The following LAMA3 variants were observed in gnomAD, a reference collection of about 807,000 sequenced individuals.
LAMA3 encodes the protein laminin subunit alpha 3.
LAMA3 carries 281 observed loss-of-function variants against 402.0 expected under a neutral mutation model. The ratio of observed to expected loss-of-function variants is 0.70; its 90% CI spans 0.63 to 0.77. LAMA3 has a LOEUF of 0.77. Among genes scored for constraint, LAMA3 ranks in the 30% least tolerant of loss-of-function variants. LAMA3 has a pLI of 0.00. For missense variants in LAMA3, 3,840 were observed against 4,215.5 expected (o/e 0.91, Z 2.47); for synonymous variants, 1,431 against 1,558.4 (o/e 0.92, Z 1.93).
At chr18:23,736,448 G>C (rs2061476662) in intron 2 of LAMA3, among the ~76,000 whole-genome samples, 1 of 151,340 alleles carries the variant, frequency 6.6e-6, no homozygotes, top group African/African-American at 2.4e-5. Context: ...TTCAACATTA[G>C]ATTATTTTAT....
Position 23,812,975 on chromosome 18 carries a change from C to G in LAMA3, c.1742-82C>G, listed in dbSNP as rs567005168. 7.2e-5 allele frequency: 70 copies of G among 976,520 alleles called. 1 individual carries two copies. In the South Asian group the frequency reaches 7.7e-4, roughly 11 times the overall value. The allele number at this position is 976,520 out of a possible 1,614,324, so 60.5% of individuals were successfully genotyped here. On this transcript the variant is annotated intron_variant, in intron 13 of 74. Transcript: ENST00000313654. ...AATGTAGATACACTATTTTTGAAAA[C>G]AAAACGTTTAAAACTTGAAACATCA... is the stretch of plus-strand genomic sequence containing the variant.
intron 59 of LAMA3, 80 bp from the exon 60 acceptor site, chr18:23,916,471 C>T (rs906923098): frequency 2.5e-5 from 38 of 1,506,384 alleles, no homozygotes; most frequent in Non-Finnish European, 3.2e-5. Context: ...TTTCAGATAG[C>T]AACATCTTGT....
At chr18:23,741,320 A>G (rs1448631184) in intron 2 of LAMA3, among the ~76,000 whole-genome samples, 2 of 152,252 alleles carry the variant, frequency 1.3e-5, no homozygotes, top group South Asian at 4.1e-4. Context: ...AACTATTGGC[A>G]GATGGACTCT....
chr18:23,920,646 C>G (rs941923695), intron 60 of LAMA3, among the ~76,000 whole-genome samples: 3 of 152,204 alleles, frequency 2.0e-5, no homozygotes, highest in African/African-American at 7.2e-5. Context: ...TTTTCGGTCT[C>G]CATCTTTATA....
intron 2 of LAMA3, among the ~76,000 whole-genome samples, chr18:23,737,571 C>T (rs930302411): frequency 2.6e-5 from 4 of 152,216 alleles, no homozygotes; most frequent in Middle Eastern, 3.2e-3. Flanking sequence ...TCCAAGAGTT[C>T]ACCTGGGATG....
chr18:23,921,912 T>C (rs928723773), intron 62 of LAMA3, among the ~76,000 whole-genome samples: 4 of 152,182 alleles, frequency 2.6e-5, no homozygotes, highest in Non-Finnish European at 5.9e-5. Context: ...GAAGGCTGCA[T>C]AGGAGAGCGT....
Position 23,918,521 on chromosome 18 carries a change from C to T in LAMA3, c.7923+1826C>T, listed in dbSNP as rs1327797573. Among the ~76,000 whole-genome samples, 1 of 152,194 alleles carries T rather than the reference C, an allele frequency of 6.6e-6. No individual in the cohort carries two copies. The highest frequency in any genetic ancestry group is 1.5e-5 in the Non-Finnish European group (1 of 68,036). Reference sequence around the variant, plus strand: ...TCAGCATGTTTGCCTTCTCAAGACACTGAAGCTTCTCTGTTTTCAAGTAGC... The same window carrying T: ...TCAGCATGTTTGCCTTCTCAAGACATTGAAGCTTCTCTGTTTTCAAGTAGC... On this transcript the variant is annotated intron_variant, in intron 60 of 74. Transcript: ENST00000313654. This position sits in a 1 kb window ranked among gnomAD's most constrained non-coding sequence, Gnocchi z 4.1.
intron 62 of LAMA3, among the ~76,000 whole-genome samples, chr18:23,924,440 C>G (rs1246119453): frequency 6.6e-6 from 1 of 152,138 alleles, no homozygotes; most frequent in East Asian, 1.9e-4. Context: ...GCATGAGCCA[C>G]CATGCCTGGC....
intron 29 of LAMA3, 69 bp from the exon 30 acceptor site, chr18:23,844,940 G>A (rs2144616154): frequency 1.1e-6 from 1 of 911,378 alleles, no homozygotes; most frequent in East Asian, 2.4e-5. Context: ...TGCTCAACCT[G>A]TATAATAAGT....
intron 8 of LAMA3, among the ~76,000 whole-genome samples, chr18:23,767,147 G>A (rs1384204329): frequency 1.3e-5 from 2 of 151,982 alleles, no homozygotes; most frequent in Admixed American, 6.6e-5. Context: ...CCCAAATCTA[G>A]GAATACATCT....
At chr18:23,878,084 T>C (rs1181879332) in intron 39 of LAMA3, among the ~76,000 whole-genome samples, 1 of 152,096 alleles carries the variant, frequency 6.6e-6, no homozygotes, top group African/African-American at 2.4e-5. Context: ...CCAGCCTGGG[T>C]GACAGAGCAA....
Position 23,816,156 on chromosome 18 carries a change from T to G in LAMA3, c.2048-232T>G, listed in dbSNP as rs188211794. 1.6e-3 allele frequency among the ~76,000 whole-genome samples: 245 copies of G among 152,336 alleles called. 1 individual carries two copies. Among genetic ancestry groups the G allele is most frequent in the African/African-American group, 4.8e-3 (199 of 41,580 alleles). ...ACCATTTTAATTTTGTTTTTGTTTT[T>G]GTTTTGGTTTTGGTTTTGGTTTTTG... On this transcript the variant is annotated intron_variant, in intron 17 of 74. Transcript: ENST00000313654.
chr18:23,872,916 A>T, intron 38 of LAMA3: 2 of 1,148,482 alleles, frequency 1.7e-6, no homozygotes, highest in Non-Finnish European at 1.3e-6. Flanking sequence ...TGAAGTTTAA[A>T]GGTGGGGCCC....
At chr18:23,921,677 C>A in intron 62 of LAMA3, 92 bp downstream of exon 62, 1 of 1,255,534 alleles carries the variant, frequency 8.0e-7, no homozygotes, top group Non-Finnish European at 1.2e-6. Context: ...TTTAATTCCA[C>A]CAACAAACAA....
At chr18:23,756,848 C>T (rs1037838413) in intron 6 of LAMA3, among the ~76,000 whole-genome samples, 2 of 152,104 alleles carry the variant, frequency 1.3e-5, no homozygotes, top group African/African-American at 2.4e-5. Context: ...CCTTCCCCAA[C>T]CACGTGGCAA....
chr18:23,894,253 G>T (rs746967479), intron 42 of LAMA3, 45 bp from the exon 43 acceptor site: 9 of 1,487,648 alleles, frequency 6.0e-6, no homozygotes, highest in East Asian at 2.3e-5. Flanking sequence ...CAGATGAAAA[G>T]TAAGTTTAAT....
chr18:23,785,079 G>A (rs2062516570), intron 12 of LAMA3, among the ~76,000 whole-genome samples: 1 of 152,180 alleles, frequency 6.6e-6, no homozygotes, highest in Admixed American at 6.5e-5. Context: ...GTGCAAGGAT[G>A]GGAAGCCCAT....
At chr18:23,791,419 G>T (rs2062651358) in intron 12 of LAMA3, among the ~76,000 whole-genome samples, 1 of 152,052 alleles carries the variant, frequency 6.6e-6, no homozygotes, top group Non-Finnish European at 1.5e-5. Context: ...AAAAATGATA[G>T]ATAATTGGGA....
At chr18:23,789,573 A>G (rs951401116) in intron 12 of LAMA3, among the ~76,000 whole-genome samples, 3 of 152,222 alleles carry the variant, frequency 2.0e-5, no homozygotes, top group African/African-American at 7.2e-5. Context: ...CACAAAAGTC[A>G]CATATTGTGT....
Sources: allele counts gnomAD v4.1 joint callset (sites outside exome capture counted in the v4.1 genomes callset), GRCh38; gene constraint gnomAD v4.1.1; non-coding constraint Gnocchi (gnomAD v3.1); transcripts MANE v1.5; gene names NCBI Gene and HGNC (gene_info 2026-07-23, HGNC 2026-07-21).